Variants in RIT2 observed in about 807,000 individuals in gnomAD.
The protein encoded by RIT2 is Ras like without CAAX 2.
A neutral mutation model predicts 23.7 loss-of-function variants in RIT2; 24 were observed. That is an observed-to-expected ratio of 1.01 (90% CI 0.73 to 1.43). RIT2 has a LOEUF of 1.43. Among genes scored for constraint, RIT2 ranks in the 40% most tolerant of loss-of-function variants. RIT2 has a pLI of 0.00. For missense variants in RIT2, 236 were observed against 266.9 expected (o/e 0.88, Z 0.81); for synonymous variants, 107 against 91.1 (o/e 1.17, Z -0.99).
intron 2 of RIT2, among the ~76,000 whole-genome samples, chr18:43,016,441 T>G (rs1911477627): frequency 6.6e-6 from 1 of 151,990 alleles, no homozygotes; most frequent in African/African-American, 2.4e-5. Context: ...GATCAATAAC[T>G]TGCAGAGAAG....
intron 1 of RIT2, among the ~76,000 whole-genome samples, chr18:43,050,925 A>C (rs1221165774): frequency 6.6e-6 from 1 of 152,126 alleles, no homozygotes; most frequent in Non-Finnish European, 1.5e-5. Context: ...TATTCTTTTC[A>C]ATAAACTGGT....
chr18:42,786,811 G>A (rs985793867), intron 4 of RIT2, among the ~76,000 whole-genome samples: 5 of 151,894 alleles, frequency 3.3e-5, no homozygotes, highest in South Asian at 2.1e-4. Flanking sequence ...ATCAAAACTC[G>A]TTTGTTCAGA....
rs111989413 is a variant in RIT2 at position 42,975,260 on chromosome 18, G to A, written c.161-1113C>T. 5.1e-3 allele frequency among the ~76,000 whole-genome samples: 781 copies of A among 152,072 alleles called. 8 individuals are homozygous for A. Among genetic ancestry groups the A allele is most frequent in the African/African-American group, 0.012 (517 of 41,492 alleles). ...GAATGTTATCAAAAGTCGTTTCTGCGTCTATTGAGATAAATAACCATGTGG... is the reference window on the plus strand; with the variant it reads ...GAATGTTATCAAAAGTCGTTTCTGCATCTATTGAGATAAATAACCATGTGG... On this transcript the variant is annotated intron_variant, in intron 2 of 4. Coordinates refer to ENST00000326695, the MANE Select transcript of RIT2 (RefSeq NM_002930.4).
intron 4 of RIT2, among the ~76,000 whole-genome samples, chr18:42,845,200 A>C: frequency 6.6e-6 from 1 of 152,068 alleles, no homozygotes; most frequent in Admixed American, 6.6e-5. Context: ...GAGATTTTTC[A>C]GGGATCATGA....
intron 4 of RIT2, among the ~76,000 whole-genome samples, chr18:42,887,307 T>A (rs1221800938): frequency 6.6e-6 from 1 of 152,194 alleles, no homozygotes; most frequent in Non-Finnish European, 1.5e-5. Context: ...AAAACAGTAC[T>A]TTCTATTTCA....
At chr18:42,943,130 G>A (rs1909644226) in intron 3 of RIT2, among the ~76,000 whole-genome samples, 1 of 151,988 alleles carries the variant, frequency 6.6e-6, no homozygotes, top group Non-Finnish European at 1.5e-5. Flanking sequence ...ACTGCTGGCT[G>A]GTGTGGCCAG....
At chr18:43,112,685 C>T (rs1339412549) in intron 1 of RIT2, among the ~76,000 whole-genome samples, 1 of 152,086 alleles carries the variant, frequency 6.6e-6, no homozygotes. Flanking sequence ...AGGAGCATTG[C>T]TTGAGGCCAG....
intron 4 of RIT2, among the ~76,000 whole-genome samples, chr18:42,810,635 AAAT>A (rs1174942443): frequency 6.6e-6 from 1 of 152,118 alleles, no homozygotes; most frequent in East Asian, 1.9e-4. Context: ...ACCTCACTAT[AAAT>A]AACTGCTTGC....
chr18:43,090,996 G>A (rs948735234), intron 1 of RIT2, among the ~76,000 whole-genome samples: 2 of 151,746 alleles, frequency 1.3e-5, no homozygotes, highest in African/African-American at 4.8e-5. Context: ...TGTATGACAA[G>A]TTTACCTATA....
At chr18:43,063,228 T>C (rs1451130827) in intron 1 of RIT2, among the ~76,000 whole-genome samples, 1 of 152,146 alleles carries the variant, frequency 6.6e-6, no homozygotes, top group East Asian at 1.9e-4. Flanking sequence ...TCAATTTATC[T>C]TGGAGAAGGG....
chr18:43,028,999 G>C (rs1911794398), intron 2 of RIT2, among the ~76,000 whole-genome samples: 1 of 151,654 alleles, frequency 6.6e-6, no homozygotes, highest in South Asian at 2.1e-4. Context: ...TTTGTTCCAT[G>C]CTGGTCTAAC....
intron 2 of RIT2, among the ~76,000 whole-genome samples, chr18:42,995,171 C>A (rs1469830137): frequency 1.2e-4 from 18 of 152,306 alleles, no homozygotes; most frequent in South Asian, 2.1e-4. Context: ...TGGCCCACCT[C>A]TTAAAACCTC....
In RIT2 at chr18:43,106,393, T is replaced by C. The variant is rs565079379; in HGVS notation, c.103+9024A>G. On this transcript the variant is annotated intron_variant, in intron 1 of 4. Coordinates refer to ENST00000326695, the MANE Select transcript of RIT2 (RefSeq NM_002930.4). ...CATTCAATAAGTGACTACCCAAACA[T>C]TGATTTTCACATATACAAGAAATCT... Among the ~76,000 whole-genome samples, 408 of 152,300 alleles carry C rather than the reference T, an allele frequency of 2.7e-3. 2 individuals are homozygous for C. Among genetic ancestry groups the C allele is most frequent in the Non-Finnish European group, 4.9e-3 (335 of 68,036 alleles).
At chr18:42,879,822 C>T (rs980839031) in intron 4 of RIT2, among the ~76,000 whole-genome samples, 3 of 152,062 alleles carry the variant, frequency 2.0e-5, no homozygotes, top group African/African-American at 7.2e-5. Context: ...TTGGACAGAA[C>T]TTGTCAATTG....
At chr18:42,838,594 G>T (rs1427604970) in intron 4 of RIT2, among the ~76,000 whole-genome samples, 1 of 152,066 alleles carries the variant, frequency 6.6e-6, no homozygotes, top group Non-Finnish European at 1.5e-5. Flanking sequence ...ACTCGTCCCT[G>T]GTCACATAGC....
intron 4 of RIT2, among the ~76,000 whole-genome samples, chr18:42,855,621 G>A (rs1907160579): frequency 6.6e-6 from 1 of 152,108 alleles, no homozygotes; most frequent in African/African-American, 2.4e-5. Flanking sequence ...GTAGTCTCAT[G>A]GTTTTCCTCA....
chr18:42,853,895 A>C (rs1473753041), intron 4 of RIT2, among the ~76,000 whole-genome samples: 1 of 152,232 alleles, frequency 6.6e-6, no homozygotes, highest in African/African-American at 2.4e-5. Flanking sequence ...CAATTAAATG[A>C]TTAAATTTAT....
chr18:43,103,639 C>T (rs62090499), intron 1 of RIT2, among the ~76,000 whole-genome samples: 16,258 of 152,074 alleles, frequency 0.11, 892 homozygotes, highest in East Asian at 0.15. Context: ...AAGGACAGAT[C>T]AAATCGAACA....
intron 2 of RIT2, among the ~76,000 whole-genome samples, chr18:42,993,582 C>T (rs1910906182): frequency 6.6e-6 from 1 of 152,128 alleles, no homozygotes; most frequent in Non-Finnish European, 1.5e-5. Flanking sequence ...CCAACTTAGA[C>T]AATACTCTTT....
Sources: allele counts gnomAD v4.1 joint callset (sites outside exome capture counted in the v4.1 genomes callset), GRCh38; gene constraint gnomAD v4.1.1; transcripts MANE v1.5; gene names NCBI Gene and HGNC (gene_info 2026-07-23, HGNC 2026-07-21).